CHP1: variants seen among roughly 807,000 people sequenced by gnomAD.
CHP1 encodes calcineurin like EF-hand protein 1.
Under a neutral mutation model 27.4 loss-of-function variants are expected in CHP1, and 11 were observed. The ratio of observed to expected loss-of-function variants is 0.40; its 90% CI spans 0.25 to 0.67. The LOEUF (loss-of-function observed/expected upper bound fraction) is 0.67, where lower values mean the gene tolerates loss of function less well. Among genes scored for constraint, CHP1 ranks in the 30% least tolerant of loss-of-function variants. CHP1 has a pLI of 0.38. For synonymous variants in CHP1, 89 were observed against 87.4 expected, an observed-to-expected ratio of 1.02 and a Z score of -0.10; for missense variants, 169 against 251.3, an observed-to-expected ratio of 0.67 and a Z score of 2.22.
At chr15:41,271,716 G>A (rs1385979425) in intron 5 of CHP1, among the ~76,000 whole-genome samples, 1 of 152,138 alleles carries the variant, frequency 6.6e-6, no homozygotes, top group South Asian at 2.1e-4. Flanking sequence ...TTCATCCTAG[G>A]ATGAAATTAC....
intron 2 of CHP1, 114 bp downstream of exon 2, chr15:41,243,853 C>A (rs1054652009): frequency 1.5e-5 from 12 of 800,394 alleles, no homozygotes; most frequent in Non-Finnish European, 2.2e-5. Flanking sequence ...ATGCAGATAG[C>A]AAGGACCATT....
At chr15:41,268,046 GC>G (rs2047470730) in intron 4 of CHP1, among the ~76,000 whole-genome samples, 1 of 151,954 alleles carries the variant, frequency 6.6e-6, no homozygotes, top group Admixed American at 6.6e-5. Flanking sequence ...ACTATTTTAG[GC>G]CCAGGATACA....
At position 41,253,363 on chromosome 15, in the gene CHP1, A is replaced by G. The variant is rs150893960; in HGVS notation, c.141-3547A>G. Among the ~76,000 whole-genome samples, 726 of 152,194 alleles carry G rather than the reference A, an allele frequency of 4.8e-3. 9 individuals are homozygous for G. Among genetic ancestry groups the G allele is most frequent in the African/African-American group, 0.017 (701 of 41,534 alleles). On this transcript the variant is annotated intron_variant, in intron 2 of 6. Coordinates refer to ENST00000334660, the MANE Select transcript of CHP1 (RefSeq NM_007236.5). ...GAGAAACTGCCCAGATCTACATTCT[A>G]CTATAAAGCAACCAGTAATAATAAC...
chr15:41,261,674 C>T (rs189307122), intron 3 of CHP1, among the ~76,000 whole-genome samples: 123 of 151,568 alleles, frequency 8.1e-4, no homozygotes, highest in Admixed American at 6.6e-3. Context: ...CTAGCTAACA[C>T]GGTGAAACCC....
intron 1 of CHP1, among the ~76,000 whole-genome samples, chr15:41,235,334 A>G (rs890802518): frequency 6.6e-6 from 1 of 152,154 alleles, no homozygotes; most frequent in Admixed American, 6.5e-5. Context: ...CCTGGGCAAC[A>G]TAGGGAAACC....
At chr15:41,239,808 T>C (rs2047296737) in intron 1 of CHP1, among the ~76,000 whole-genome samples, 2 of 150,452 alleles carry the variant, frequency 1.3e-5, no homozygotes, top group Admixed American at 1.3e-4. Flanking sequence ...CAGAGTCTCC[T>C]CTCTGTCACC....
In CHP1 at chr15:41,279,321, G is replaced by C; in HGVS notation, c.535-15G>C. On this transcript the variant is annotated splice_polypyrimidine_tract_variant and intron_variant, in intron 6 of 6. Transcript: ENST00000334660. ...CTTCATAACCTTTGTAACTGTTACT[G>C]GTTTTCTCCCCCAGGTTTTGGAGAA... 1 of 1,609,296 alleles carries C rather than the reference G, an allele frequency of 6.2e-7. No individual in the cohort carries two copies. Among genetic ancestry groups the C allele is most frequent in the Non-Finnish European group, 8.5e-7 (1 of 1,175,686 alleles).
At chr15:41,275,692 C>T (rs1275912939) in intron 5 of CHP1, among the ~76,000 whole-genome samples, 2 of 152,094 alleles carry the variant, frequency 1.3e-5, no homozygotes, top group Non-Finnish European at 2.9e-5. Flanking sequence ...CTGCCTCAGC[C>T]GCCTGAGTAG....
At chr15:41,237,515 GT>G (rs2047283569) in intron 1 of CHP1, among the ~76,000 whole-genome samples, 1 of 152,108 alleles carries the variant, frequency 6.6e-6, no homozygotes, top group African/African-American at 2.4e-5. Flanking sequence ...TTTATATAAT[GT>G]TTTAAAATCT....
At chr15:41,238,232 A>G (rs1329306260) in intron 1 of CHP1, among the ~76,000 whole-genome samples, 2 of 151,590 alleles carry the variant, frequency 1.3e-5, no homozygotes, top group Non-Finnish European at 2.9e-5. Flanking sequence ...ATCATAGCTC[A>G]CTACAACCTT....
intron 1 of CHP1, among the ~76,000 whole-genome samples, chr15:41,232,352 A>G (rs951604312): frequency 1.3e-5 from 2 of 151,842 alleles, no homozygotes; most frequent in Admixed American, 1.3e-4. Flanking sequence ...CTGGGAGTAC[A>G]GGTGCCTGCC....
intron 5 of CHP1, among the ~76,000 whole-genome samples, chr15:41,275,295 C>G (rs913751006): frequency 6.6e-6 from 1 of 151,976 alleles, no homozygotes; most frequent in African/African-American, 2.4e-5. Flanking sequence ...GCTGGGATTA[C>G]AGGTGCCCGC....
At chr15:41,240,567 A>G (rs1472538830) in intron 1 of CHP1, among the ~76,000 whole-genome samples, 1 of 151,986 alleles carries the variant, frequency 6.6e-6, no homozygotes, top group Non-Finnish European at 1.5e-5. Flanking sequence ...CAGCCTGACC[A>G]ACATGGAGAA....
intron 2 of CHP1, among the ~76,000 whole-genome samples, chr15:41,245,727 A>C (rs1025687609): frequency 1.3e-5 from 2 of 152,184 alleles, no homozygotes; most frequent in Admixed American, 6.5e-5. Context: ...ACGTATACCT[A>C]GGAGTGGAAT....
At chr15:41,252,888 T>C (rs1163487205) in intron 2 of CHP1, among the ~76,000 whole-genome samples, 2 of 151,426 alleles carry the variant, frequency 1.3e-5, no homozygotes, top group African/African-American at 2.4e-5. Context: ...AATGTTGGTA[T>C]GCTTTTCAGT....
intron 1 of CHP1, among the ~76,000 whole-genome samples, chr15:41,238,454 C>A (rs2047288990): frequency 6.6e-6 from 1 of 152,040 alleles, no homozygotes; most frequent in Non-Finnish European, 1.5e-5. Context: ...TGAGCCACTG[C>A]CCTCAGCCAA....
chr15:41,259,569 A>G (rs1021654085), intron 3 of CHP1, among the ~76,000 whole-genome samples: 4 of 144,222 alleles, frequency 2.8e-5, no homozygotes, highest in East Asian at 2.0e-4. Flanking sequence ...AAAGTGGACC[A>G]TGGTTATTCA....
intron 2 of CHP1, among the ~76,000 whole-genome samples, chr15:41,245,700 G>A (rs182560981): frequency 5.9e-5 from 9 of 152,300 alleles, no homozygotes; most frequent in African/African-American, 1.4e-4. Flanking sequence ...GTGCACATAT[G>A]TTTTAATTTC....
chr15:41,265,439 A>T (rs1451887712), intron 4 of CHP1, among the ~76,000 whole-genome samples: 2 of 127,392 alleles, frequency 1.6e-5, no homozygotes, highest in Non-Finnish European at 3.3e-5. Flanking sequence ...GCCAGGCATG[A>T]TGGCTCACGC....
Sources: allele counts gnomAD v4.1 joint callset (sites outside exome capture counted in the v4.1 genomes callset), GRCh38; gene constraint gnomAD v4.1.1; transcripts MANE v1.5; gene names NCBI Gene and HGNC (gene_info 2026-07-23, HGNC 2026-07-21).